SEM1: variants seen among roughly 807,000 people sequenced by gnomAD.
The protein encoded by SEM1 is 26S proteasome complex subunit SEM1.
In SEM1, 3 loss-of-function variants were observed where a neutral mutation model predicts 12.7. The ratio of observed to expected loss-of-function variants is 0.24; its 90% confidence interval spans 0.11 to 0.61. The LOEUF (loss-of-function observed/expected upper bound fraction) is 0.61. Among genes scored for constraint, SEM1 ranks in the 20% least tolerant of loss-of-function variants. The pLI, the probability that SEM1 is intolerant of heterozygous loss-of-function variation, is 0.88. For missense variants in SEM1, 59 were observed against 81.3 expected, an observed-to-expected ratio of 0.73 and a Z score of 1.06; for synonymous variants, 30 against 27.8, an observed-to-expected ratio of 1.08 and a Z score of -0.25.
chr7:96,603,642 A>G (rs1053135017), intron 2 of SEM1, among the ~76,000 whole-genome samples: 1 of 152,060 alleles, frequency 6.6e-6, no homozygotes, highest in African/African-American at 2.4e-5. Context: ...TTTGTTTGCT[A>G]TTCCCGTCTT....
chr7:96,686,451 C>T (rs115314957), downstream of SEM1, among the ~76,000 whole-genome samples: 24 of 152,274 alleles, frequency 1.6e-4, no homozygotes, highest in Non-Finnish European at 1.5e-4. Flanking sequence ...AAGTGGCCAT[C>T]ATTCAGGCCA....
chr7:96,489,089 ATGAT>A (rs1802893990), intron 1 of SEM1, among the ~76,000 whole-genome samples: 2 of 152,148 alleles, frequency 1.3e-5, no homozygotes. Flanking sequence ...CACTTGGCAG[ATGAT>A]TGATTGGACA....
chr7:96,584,993 T>G (rs1310884347), intron 2 of SEM1, among the ~76,000 whole-genome samples: 5 of 151,732 alleles, frequency 3.3e-5, no homozygotes, highest in African/African-American at 1.2e-4. Flanking sequence ...CCATCCAGCT[T>G]TGTTCCATTG....
chr7:96,579,361 T>C (rs1309419458), intron 2 of SEM1, among the ~76,000 whole-genome samples: 4 of 152,250 alleles, frequency 2.6e-5, no homozygotes, highest in Admixed American at 6.5e-5. Context: ...GCTTTCTAAA[T>C]GGGATCTGTT....
At chr7:96,528,910 A>G (rs994370465) in intron 2 of SEM1, among the ~76,000 whole-genome samples, 1 of 152,144 alleles carries the variant, frequency 6.6e-6, no homozygotes, top group African/African-American at 2.4e-5. Flanking sequence ...ATAACCTTAG[A>G]TATTGTATTC....
In SEM1 at chr7:96,630,812, G is replaced by C. The variant is rs79083740; in HGVS notation, c.171-8169C>G. Among the ~76,000 whole-genome samples the C allele has an allele frequency of 3.3e-3, 506 of 151,164 alleles. 14 individuals are homozygous for C. The East Asian group carries it at 0.063, about 19-fold the overall frequency. ...GCCATGATACCTGGCTATTACTGCT[G>C]GTTATTCAGGACCCAAGGACTCTTT... On this transcript the variant is annotated intron_variant, in intron 2 of 2. Coordinates refer to the SEM1 transcript ENST00000417009.
chr7:96,563,199 A>G (rs1256568968), intron 2 of SEM1, among the ~76,000 whole-genome samples: 2 of 152,072 alleles, frequency 1.3e-5, no homozygotes, highest in Non-Finnish European at 2.9e-5. Flanking sequence ...TCATGACAGG[A>G]AGAAAAACAG....
chr7:96,550,269 G>A (rs1443005403), intron 2 of SEM1, among the ~76,000 whole-genome samples: 2 of 152,020 alleles, frequency 1.3e-5, no homozygotes, highest in African/African-American at 4.8e-5. Context: ...ATTGAAAAAG[G>A]CTAAACAAAG....
At chr7:96,565,691 A>G (rs1215620140) in intron 2 of SEM1, among the ~76,000 whole-genome samples, 1 of 151,868 alleles carries the variant, frequency 6.6e-6, no homozygotes, top group Non-Finnish European at 1.5e-5. Context: ...TACTGATGAA[A>G]AAAGGCTTTA....
intron 3 of SEM1, among the ~76,000 whole-genome samples, chr7:96,503,907 G>A (rs1803658639): frequency 1.3e-5 from 2 of 152,066 alleles, no homozygotes; most frequent in Non-Finnish European, 2.9e-5. Context: ...CTGTGGTACT[G>A]CCCAAGTATC....
chr7:96,706,594 A>AAAAAG (rs1563122448), intron 1 of SEM1, among the ~76,000 whole-genome samples: 9 of 123,530 alleles, frequency 7.3e-5, no homozygotes, highest in South Asian at 2.9e-4. Flanking sequence ...AAAAAAAAAA[A>AAAAAG]AGAGAGAGAG....
At chr7:96,663,121 G>T (rs1395682117) in intron 2 of SEM1, among the ~76,000 whole-genome samples, 2 of 148,646 alleles carry the variant, frequency 1.3e-5, no homozygotes, top group Admixed American at 6.7e-5. Flanking sequence ...ATAATATGAC[G>T]CAGAACTTGC....
At chr7:96,486,206 C>A in exon 2 of SEM1, 1 of 1,535,246 alleles carries the variant, frequency 6.5e-7, no homozygotes, top group Non-Finnish European at 8.7e-7. Context: ...TGCTTACCTG[C>A]AGACCCAGGC....
intron 2 of SEM1, among the ~76,000 whole-genome samples, chr7:96,599,919 A>C (rs942060038): frequency 6.6e-6 from 1 of 152,218 alleles, no homozygotes; most frequent in African/African-American, 2.4e-5. Flanking sequence ...CCTTAAGAAC[A>C]TGTTAGCTTA....
chr7:96,522,568 GAAAA>G (rs765064779), intron 2 of SEM1, among the ~76,000 whole-genome samples: 1 of 127,326 alleles, frequency 7.9e-6, no homozygotes, highest in South Asian at 2.5e-4. Context: ...TGCTTTGTGA[GAAAA>G]AAAAAAAAAA....
exon 4 of SEM1, chr7:96,483,541 G>A (rs1019692041): frequency 8.8e-6 from 3 of 342,246 alleles, no homozygotes; most frequent in Non-Finnish European, 1.7e-5. Context: ...TGTCCATATT[G>A]CATCAGCTAC....
At chr7:96,522,278 C>T (rs1804301315) in intron 2 of SEM1, among the ~76,000 whole-genome samples, 1 of 152,096 alleles carries the variant, frequency 6.6e-6, no homozygotes, top group South Asian at 2.1e-4. Context: ...ATATATAGCC[C>T]TGACCTCTGG....
At chr7:96,513,890 C>T (rs1466395618) in intron 2 of SEM1, among the ~76,000 whole-genome samples, 5 of 151,902 alleles carry the variant, frequency 3.3e-5, no homozygotes, top group African/African-American at 1.2e-4. Flanking sequence ...TGTAATATTA[C>T]TATAGTAATA....
chr7:96,602,990 G>C (rs1048955785), intron 2 of SEM1, among the ~76,000 whole-genome samples: 1 of 152,152 alleles, frequency 6.6e-6, no homozygotes, highest in African/African-American at 2.4e-5. Context: ...GAGGTCCCAG[G>C]CATCAATCAT....
Sources: allele counts gnomAD v4.1 joint callset (sites outside exome capture counted in the v4.1 genomes callset), GRCh38; gene constraint gnomAD v4.1.1; transcripts MANE v1.5; gene names NCBI Gene and HGNC (gene_info 2026-07-23, HGNC 2026-07-21).